The following DCTN1 variants were observed in gnomAD, a reference collection of about 807,000 sequenced individuals.
DCTN1 encodes dynactin subunit 1, also known as 150 kDa dynein-associated polypeptide.
A neutral mutation model predicts 161.2 loss-of-function variants in DCTN1; 61 were observed. The observed-to-expected ratio is 0.38, with a 90% CI of 0.31 to 0.47. The LOEUF (loss-of-function observed/expected upper bound fraction) is 0.47, where lower values mean the gene tolerates loss of function less well. Among genes scored for constraint, DCTN1 ranks in the 20% least tolerant of loss-of-function variants. DCTN1 has a pLI of 0.99. For missense variants in DCTN1, 1,404 were observed against 1,623.7 expected, an observed-to-expected ratio of 0.86 and a Z score of 2.33; for synonymous variants, 653 against 632.4, an observed-to-expected ratio of 1.03 and a Z score of -0.49.
upstream of DCTN1, among the ~76,000 whole-genome samples, chr2:74,381,508 C>T (rs1227985582): frequency 2.0e-5 from 3 of 152,220 alleles, no homozygotes; most frequent in African/African-American, 7.2e-5. Flanking sequence ...TCTCTCCTCC[C>T]TGCAAAATCT....
In DCTN1 at chr2:74,362,161, G is replaced by C. The variant is rs2268427; in HGVS notation, c.3610-20C>G. ...CTCATCCTAGGGAAGGGGAGAGGAA[G>C]ACAAGGGTTCATTTATGGGACCCCC... is the stretch of plus-strand genomic sequence containing the variant. On this transcript the variant is annotated intron_variant, in intron 30 of 31. Coordinates refer to ENST00000628224, the MANE Select transcript of DCTN1 (RefSeq NM_004082.5). 0.048 allele frequency: 77,468 copies of C among 1,610,734 alleles called. 5,566 individuals carry two copies. Among genetic ancestry groups the C allele is most frequent in the East Asian group, 0.32 (14,324 of 44,798 alleles).
intron 30 of DCTN1, 80 bp downstream of exon 30, chr2:74,362,570 G>T: frequency 6.9e-7 from 1 of 1,454,276 alleles, no homozygotes. Context: ...GCACAGGGCT[G>T]GGCTCAGAGG....
At position 74,371,528 on chromosome 2, in the gene DCTN1, A is replaced by G; in HGVS notation, c.645+9T>C. On this transcript the variant is annotated intron_variant, in intron 8 of 31. Transcript: ENST00000628224. The stretch of plus-strand genomic sequence containing the variant: ...CTTGATTCTCCTTTACCCCTACCCC[A>G]GGCCTTACCTTGGATGGGGAAGGAA... 1 of 1,563,042 alleles carries G rather than the reference A, an allele frequency of 6.4e-7. No individual in the cohort carries two copies. Among genetic ancestry groups the G allele is most frequent in the Non-Finnish European group, 8.7e-7 (1 of 1,153,866 alleles).
chr2:74,366,441 C>T lies in DCTN1; in HGVS notation c.2628+18G>A, dbSNP rs770747593. On this transcript the variant is annotated intron_variant, in intron 22 of 31. Transcript: ENST00000628224. ...CACTAACTCTCCCCACACCTTCTAC[C>T]CAGCCATCCAGGCCCACCTGCTCGC... is the stretch of plus-strand genomic sequence containing the variant. The T allele has an allele frequency of 6.9e-5, 111 of 1,614,118 alleles. No individual in the cohort carries two copies. The highest frequency in any genetic ancestry group is 9.2e-5 in the Non-Finnish European group (108 of 1,180,058).
Position 74,369,580 on chromosome 2 carries a change from G to T in DCTN1, c.1393-89C>A. Reference sequence around the variant, plus strand: ...ACCTGTAATCCCAGCACTTTGGGAGGTCAAAGCAGGCGGATCATGAGGTCG... The same window carrying T: ...ACCTGTAATCCCAGCACTTTGGGAGTTCAAAGCAGGCGGATCATGAGGTCG... On this transcript the variant is annotated intron_variant, in intron 13 of 31. Transcript: ENST00000628224. This position sits in a 1 kb window ranked among gnomAD's most constrained non-coding sequence, Gnocchi z 4.9. 7.6e-7 allele frequency: 1 copy of T among 1,315,558 alleles called. No homozygotes were observed. Among genetic ancestry groups the T allele is most frequent in the Non-Finnish European group, 1.1e-6 (1 of 920,670 alleles). The allele number at this position is 1,315,558 out of a possible 1,614,324, so 81.5% of individuals were successfully genotyped here. A position where few individuals can be genotyped will look rare whatever the true frequency, so the allele number is the denominator to read the frequency against.
chr2:74,361,889 T>C (rs771769708), intron 31 of DCTN1, among the ~76,000 whole-genome samples, 163 bp downstream of exon 31: 9 of 152,218 alleles, frequency 5.9e-5, no homozygotes, highest in South Asian at 2.1e-4. Context: ...TTCAAAGCAC[T>C]GTAAGCACTT....
Position 74,370,622 on chromosome 2 carries a change from C to G in DCTN1, c.1047G>C (p.Lys349Asn), listed in dbSNP as rs778117603. Residue 349 changes from lysine (K) to asparagine (N), a missense_variant and splice_region_variant, in exon 10 of 32, where the codon AAG becomes AAC. Transcript: ENST00000628224. This position sits in a 1 kb window ranked among gnomAD's most constrained non-coding sequence, Gnocchi z 4.4. Reference protein sequence around the residue: ...LEILKAEIEEKGSDGAASSYQ... With the variant: ...LEILKAEIEENGSDGAASSYQ... Reference sequence around the variant, plus strand: ...CCCCAGCAGCTGTGGGCCCCTTACCCTTCTCTTCAATCTCAGCCTTGAGGA... The same window carrying G: ...CCCCAGCAGCTGTGGGCCCCTTACCGTTCTCTTCAATCTCAGCCTTGAGGA... 1.9e-6 allele frequency: 3 copies of G among 1,614,090 alleles called. No homozygotes were observed. Among genetic ancestry groups the G allele is most frequent in the African/African-American group, 2.7e-5 (2 of 74,940 alleles).
At position 74,371,520 on chromosome 2, in the gene DCTN1, C is replaced by T. The variant is rs1210704028; in HGVS notation, c.645+17G>A. ...CTGGGTGTCTTGATTCTCCTTTACC[C>T]CTACCCCAGGCCTTACCTTGGATGG... On this transcript the variant is annotated intron_variant, in intron 8 of 31. Coordinates refer to ENST00000628224, the MANE Select transcript of DCTN1 (RefSeq NM_004082.5). 1 of 1,557,982 alleles carries T rather than the reference C, an allele frequency of 6.4e-7. No individual in the cohort carries two copies. The highest frequency in any genetic ancestry group is 2.4e-5 in the East Asian group (1 of 41,756).
upstream of DCTN1, among the ~76,000 whole-genome samples, chr2:74,383,443 A>G (rs1675599695): frequency 6.6e-6 from 1 of 152,258 alleles, no homozygotes; most frequent in Admixed American, 6.5e-5. Context: ...TGATCCAATA[A>G]TAACAGGAAG....
chr2:74,366,194 G>A, intron 23 of DCTN1, 50 bp downstream of exon 23: 1 of 1,613,436 alleles, frequency 6.2e-7, no homozygotes, highest in Non-Finnish European at 8.5e-7. Context: ...AGCTCTGCAA[G>A]TCTTACTCCT....
chr2:74,362,963 T>G, intron 29 of DCTN1, 31 bp downstream of exon 29: 2 of 1,606,094 alleles, frequency 1.2e-6, no homozygotes, highest in Non-Finnish European at 1.7e-6. Context: ...GGGGGCAGTT[T>G]TATTCATCTT....
At chr2:74,380,782 C>T (rs567309289), upstream of DCTN1, among the ~76,000 whole-genome samples, 7 of 152,214 alleles carry the variant, frequency 4.6e-5, no homozygotes, top group Non-Finnish European at 8.8e-5. Flanking sequence ...CAACTTCACA[C>T]ACATAGCAAA....
At chr2:74,380,685 T>C, upstream of DCTN1, 1 of 411,660 alleles carries the variant, frequency 2.4e-6, no homozygotes, top group Non-Finnish European at 5.0e-6. Flanking sequence ...CAAATTCATG[T>C]GAGTAGGGCC....
intron 20 of DCTN1, 37 bp from the exon 21 acceptor site, chr2:74,366,969 T>C: frequency 6.2e-7 from 1 of 1,614,162 alleles, no homozygotes; most frequent in South Asian, 1.1e-5. Context: ...AGAACCAAGT[T>C]AGCATTAAGG....
chr2:74,361,938 A>C (rs1032860504), intron 31 of DCTN1, 114 bp downstream of exon 31: 6 of 1,168,590 alleles, frequency 5.1e-6, no homozygotes, highest in Non-Finnish European at 7.6e-6. Context: ...AGATAACCCA[A>C]GGTATGCAGT....
chr2:74,372,990 GA>G (rs1455568343), intron 6 of DCTN1, 42 bp from the exon 7 acceptor site: 1 of 1,603,456 alleles, frequency 6.2e-7, no homozygotes, highest in Admixed American at 1.7e-5. Flanking sequence ...AGTCAGGAAA[GA>G]AAGGACAATG....
intron 26 of DCTN1, chr2:74,364,341 G>A (rs1373189971): frequency 6.3e-6 from 1 of 158,308 alleles, no homozygotes; most frequent in African/African-American, 2.4e-5. Context: ...AGACTCAGGA[G>A]CAGCTGGGAA....
intron 4 of DCTN1, among the ~76,000 whole-genome samples, chr2:74,377,080 T>C (rs1444170424): frequency 1.3e-5 from 2 of 152,218 alleles, no homozygotes; most frequent in Non-Finnish European, 2.9e-5. Context: ...CTTCTTCCTC[T>C]ATCTTCTACC....
chr2:74,375,761 TAC>T (rs1675185570), intron 5 of DCTN1, among the ~76,000 whole-genome samples: 4 of 152,152 alleles, frequency 2.6e-5, no homozygotes, highest in Admixed American at 2.6e-4. Context: ...CCCCATTCCC[TAC>T]CAAAGCAAGT....
Sources: gnomAD v4.1 joint callset for allele counts (sites outside exome capture counted in the v4.1 genomes callset) on GRCh38, gnomAD v4.1.1 for gene constraint, Gnocchi (gnomAD v3.1) non-coding constraint, MANE v1.5 for transcripts, NCBI Gene and HGNC (gene_info 2026-07-23, HGNC 2026-07-21) for gene names.